Variants in SLC5A1 observed in about 807,000 individuals in gnomAD.
SLC5A1 encodes solute carrier family 5 member 1.
SLC5A1 carries 42 observed loss-of-function variants against 73.5 expected under a neutral mutation model. The ratio of observed to expected loss-of-function variants is 0.57; its 90% CI spans 0.45 to 0.74. The LOEUF (loss-of-function observed/expected upper bound fraction) is 0.74, where lower values mean the gene tolerates loss of function less well. SLC5A1 is among the 30% of genes least tolerant of loss of function. The pLI, the probability that SLC5A1 is intolerant of heterozygous loss-of-function variation, is 0.00. For missense variants in SLC5A1, 634 were observed against 855.4 expected (o/e 0.74, Z 3.23); for synonymous variants, 300 against 317.4 (o/e 0.95, Z 0.58).
chr22:32,058,440 T>G (rs990264559), intron 2 of SLC5A1, among the ~76,000 whole-genome samples: 11 of 152,364 alleles, frequency 7.2e-5, no homozygotes, highest in African/African-American at 2.6e-4. Flanking sequence ...TTACGTGGTT[T>G]CCAACATTCC....
At chr22:32,100,345 G>A (rs1473988941) in intron 12 of SLC5A1, among the ~76,000 whole-genome samples, 1 of 152,054 alleles carries the variant, frequency 6.6e-6, no homozygotes, top group Non-Finnish European at 1.5e-5. Context: ...GCCTAACTGC[G>A]CTGTCTAGGA....
intron 5 of SLC5A1, among the ~76,000 whole-genome samples, chr22:32,072,601 T>C (rs1462732970): frequency 6.6e-6 from 1 of 152,236 alleles, no homozygotes; most frequent in Non-Finnish European, 1.5e-5. Context: ...AATATAACCA[T>C]TGTGCTATTA....
chr22:32,094,645 C>T (rs992730922), intron 11 of SLC5A1, among the ~76,000 whole-genome samples: 1 of 151,954 alleles, frequency 6.6e-6, no homozygotes, highest in Non-Finnish European at 1.5e-5. Flanking sequence ...TTCATAGTAG[C>T]CTTGAATTAT....
intron 5 of SLC5A1, among the ~76,000 whole-genome samples, chr22:32,077,257 C>T (rs915567643): frequency 1.3e-5 from 2 of 149,868 alleles, no homozygotes; most frequent in African/African-American, 4.9e-5. Context: ...CCTTCACTCC[C>T]TCCTTCTCTC....
At chr22:32,096,539 G>A (rs1429817197) in intron 11 of SLC5A1, among the ~76,000 whole-genome samples, 1 of 152,192 alleles carries the variant, frequency 6.6e-6, no homozygotes, top group East Asian at 1.9e-4. Context: ...AGGTTCAGTT[G>A]TGCTTGTGAA....
rs1302012250 is a variant in SLC5A1, at chr22:32,111,134, A to G, written c.*921A>G. ...TTGGGATGCATTTGTCAAACTGATTATATTAGTTTTCTAGGGATGCCATAA... is the reference window on the plus strand; with the variant it reads ...TTGGGATGCATTTGTCAAACTGATTGTATTAGTTTTCTAGGGATGCCATAA... On this transcript the variant is annotated 3_prime_UTR_variant, in exon 15 of 15. Coordinates refer to ENST00000266088, the MANE Select transcript of SLC5A1 (RefSeq NM_000343.4). 1 of 152,174 alleles carries G rather than the reference A, an allele frequency of 6.6e-6. No homozygotes were observed. Among genetic ancestry groups the G allele is most frequent in the African/African-American group, 2.4e-5 (1 of 41,436 alleles). The allele number at this position is 152,174 out of a possible 1,614,324, so 9.4% of individuals were successfully genotyped here.
At chr22:32,051,661 A>G (rs1426061715) in intron 2 of SLC5A1, among the ~76,000 whole-genome samples, 1 of 152,172 alleles carries the variant, frequency 6.6e-6, no homozygotes, top group African/African-American at 2.4e-5. Flanking sequence ...GTTTCAAACA[A>G]CAACAACAAC....
intron 2 of SLC5A1, chr22:32,059,104 G>T (rs533145881): frequency 4.1e-6 from 4 of 985,464 alleles, no homozygotes; most frequent in African/African-American, 3.5e-5. Flanking sequence ...GGACTGGATT[G>T]CAGAGAGCCT....
intron 11 of SLC5A1, among the ~76,000 whole-genome samples, chr22:32,098,583 C>A (rs754356249): frequency 3.1e-4 from 47 of 152,284 alleles, no homozygotes; most frequent in Admixed American, 5.2e-4. Flanking sequence ...ATGAGATTCT[C>A]TTATGGTGGT....
At chr22:32,103,049 C>T (rs2094039229) in intron 13 of SLC5A1, among the ~76,000 whole-genome samples, 1 of 152,148 alleles carries the variant, frequency 6.6e-6, no homozygotes, top group South Asian at 2.1e-4. Context: ...ACAGGTATCT[C>T]TTTGATATAC....
chr22:32,079,909 T>A (rs2093996896), intron 5 of SLC5A1, among the ~76,000 whole-genome samples: 1 of 152,196 alleles, frequency 6.6e-6, no homozygotes, highest in African/African-American at 2.4e-5. Flanking sequence ...CCTCTTGGGC[T>A]ACTGCAGAGG....
chr22:32,068,095 G>A (rs985541448), intron 4 of SLC5A1, 69 bp downstream of exon 4: 84 of 1,453,950 alleles, frequency 5.8e-5, no homozygotes, highest in Non-Finnish European at 7.8e-5. Context: ...TTCCTAGAGG[G>A]CAGAGGAGAC....
At chr22:32,105,396 C>T (rs912512208) in intron 14 of SLC5A1, among the ~76,000 whole-genome samples, 5 of 151,084 alleles carry the variant, frequency 3.3e-5, no homozygotes, top group South Asian at 4.2e-4. Context: ...TGGGTTCAAG[C>T]GATTCTCCTG....
intron 14 of SLC5A1, among the ~76,000 whole-genome samples, chr22:32,107,335 C>T (rs2094048056): frequency 6.6e-6 from 1 of 152,176 alleles, no homozygotes; most frequent in African/African-American, 2.4e-5. Context: ...AGAAGGCAGA[C>T]TTAACACTGG....
chr22:32,049,089 TAA>T (rs1491139624), intron 1 of SLC5A1, among the ~76,000 whole-genome samples: 3,758 of 129,098 alleles, frequency 0.029, 145 homozygotes, highest in African/African-American at 0.093. Flanking sequence ...AATAAATAAA[TAA>T]ATATATATAT....
chr22:32,071,271 G>A (rs2093982454), intron 5 of SLC5A1, among the ~76,000 whole-genome samples: 1 of 152,098 alleles, frequency 6.6e-6, no homozygotes, highest in African/African-American at 2.4e-5. Flanking sequence ...GGACAACATG[G>A]CAAGACCCTA....
chr22:32,070,219 C>T, intron 5 of SLC5A1, among the ~76,000 whole-genome samples: 1 of 43,112 alleles, frequency 2.3e-5, no homozygotes, highest in Non-Finnish European at 5.4e-5. Flanking sequence ...TTCTCCCCTC[C>T]CCTCCCCTCC....
intron 10 of SLC5A1, among the ~76,000 whole-genome samples, chr22:32,090,050 G>T (rs1442612968): frequency 6.7e-6 from 1 of 149,188 alleles, no homozygotes; most frequent in Non-Finnish European, 1.5e-5. Context: ...GAGGCCTAGA[G>T]CTTGACGTAA....
intron 12 of SLC5A1, among the ~76,000 whole-genome samples, chr22:32,100,670 C>T (rs1362561299): frequency 6.6e-6 from 1 of 152,138 alleles, no homozygotes. Flanking sequence ...TCTGCCTCAG[C>T]CTCCAAAGTA....
Sources: gnomAD v4.1 joint callset for allele counts (sites outside exome capture counted in the v4.1 genomes callset) on GRCh38, gnomAD v4.1.1 for gene constraint, MANE v1.5 for transcripts, NCBI Gene and HGNC (gene_info 2026-07-23, HGNC 2026-07-21) for gene names.